Variants in C12orf42 observed in about 807,000 individuals in gnomAD.
C12orf42 encodes uncharacterized protein C12orf42.
In C12orf42, 25 loss-of-function variants were observed where a neutral mutation model predicts 21.6. The observed-to-expected ratio is 1.16, with a 90% confidence interval of 0.84 to 1.62. The LOEUF is 1.62. Among genes scored for constraint, C12orf42 ranks in the 40% most tolerant of loss-of-function variants. The probability of loss-of-function intolerance (pLI) is 0.00; values close to 1 mark genes in which losing one functional copy is unlikely to be tolerated. For synonymous variants in C12orf42, 174 were observed against 175.0 expected (o/e 0.99, Z 0.05); for missense variants, 483 against 459.3 (o/e 1.05, Z -0.47).
At chr12:103,355,649 G>A (rs78001234) in intron 4 of C12orf42, among the ~76,000 whole-genome samples, 1 of 152,128 alleles carries the variant, frequency 6.6e-6, no homozygotes, top group East Asian at 1.9e-4. Context: ...GCCAGTGGTT[G>A]AGCTAGGCCT....
chr12:103,165,473 T>C, the C12orf42 span, among the ~76,000 whole-genome samples: 2 of 152,150 alleles, frequency 1.3e-5, no homozygotes, highest in African/African-American at 4.8e-5. Context: ...AGGGAGAGGA[T>C]TGCAAATATA....
chr12:103,552,928 T>TA, the C12orf42 span, among the ~76,000 whole-genome samples: 3,014 of 152,174 alleles, frequency 0.02, 112 homozygotes, highest in African/African-American at 0.068. Flanking sequence ...AACTGCCTTA[T>TA]AAAACCATCA....
chr12:103,112,217 T>C, the C12orf42 span, among the ~76,000 whole-genome samples: 1 of 152,130 alleles, frequency 6.6e-6, no homozygotes, highest in East Asian at 1.9e-4. Flanking sequence ...AAAGATGCAA[T>C]CTTGGGACTT....
At chr12:103,294,567 G>GA (rs1396924628) in intron 4 of C12orf42, among the ~76,000 whole-genome samples, 1 of 92,688 alleles carries the variant, frequency 1.1e-5, no homozygotes, top group Admixed American at 1.3e-4. Flanking sequence ...GAAAGAAAAA[G>GA]AAAGGAAGGA....
the C12orf42 span, among the ~76,000 whole-genome samples, chr12:103,103,833 G>T: frequency 1.3e-4 from 19 of 144,636 alleles, no homozygotes; most frequent in South Asian, 3.0e-3. Context: ...ACGGAGTCTC[G>T]CTCTGTCGCC....
chr12:103,208,933 T>C, the C12orf42 span, among the ~76,000 whole-genome samples: 1 of 152,324 alleles, frequency 6.6e-6, no homozygotes, highest in African/African-American at 2.4e-5. Flanking sequence ...TCTAATCTCC[T>C]CATTTTCACA....
intron 4 of C12orf42, among the ~76,000 whole-genome samples, chr12:103,332,079 G>A (rs1489850237): frequency 1.3e-5 from 2 of 152,098 alleles, no homozygotes; most frequent in East Asian, 3.9e-4. Flanking sequence ...TTGAGCAAAG[G>A]GAAGTATAAA....
intron 2 of C12orf42, among the ~76,000 whole-genome samples, chr12:103,431,033 A>G (rs185973894): frequency 2.6e-5 from 4 of 152,284 alleles, no homozygotes; most frequent in Admixed American, 2.0e-4. Flanking sequence ...TGATGGGTGC[A>G]GCAAACCACC....
chr12:103,134,519 A>G, the C12orf42 span, among the ~76,000 whole-genome samples: 20 of 124,778 alleles, frequency 1.6e-4, no homozygotes, highest in Non-Finnish European at 3.1e-4. Context: ...CAGAAGAAAG[A>G]ATTTCAGAAC....
chr12:103,214,589 A>T, the C12orf42 span, among the ~76,000 whole-genome samples: 1 of 152,144 alleles, frequency 6.6e-6, no homozygotes, highest in South Asian at 2.1e-4. Context: ...GAGTAATAAG[A>T]TTGCTGATGT....
intron 10 of C12orf42, among the ~76,000 whole-genome samples, chr12:103,249,860 C>T (rs942160665): frequency 6.6e-6 from 1 of 152,048 alleles, no homozygotes; most frequent in Non-Finnish European, 1.5e-5. Flanking sequence ...GATTTTCTAA[C>T]CTTCCAGGAA....
At chr12:103,505,642 T>A in the C12orf42 span, 3 of 250,396 alleles carry the variant, frequency 1.2e-5, no homozygotes, top group South Asian at 4.1e-5. Flanking sequence ...AAGTTAGCAC[T>A]GCCCAGGCCC....
the C12orf42 span, among the ~76,000 whole-genome samples, chr12:103,071,423 T>A: frequency 6.6e-6 from 1 of 152,172 alleles, no homozygotes; most frequent in Non-Finnish European, 1.5e-5. Flanking sequence ...CTGCTACTTC[T>A]GATTTAGGGG....
intron 4 of C12orf42, among the ~76,000 whole-genome samples, chr12:103,322,362 T>C (rs1048040373): frequency 5.3e-5 from 8 of 152,192 alleles, no homozygotes; most frequent in African/African-American, 1.4e-4. Flanking sequence ...ATTTTTTTTT[T>C]CTTAGGACTT....
At chr12:103,488,430 TG>T (rs1447791724) in intron 1 of C12orf42, among the ~76,000 whole-genome samples, 2 of 152,214 alleles carry the variant, frequency 1.3e-5, no homozygotes, top group Non-Finnish European at 2.9e-5. Flanking sequence ...TTGTGTGTCT[TG>T]GGGTTGCTCT....
chr12:103,140,120 G>T, the C12orf42 span, among the ~76,000 whole-genome samples: 1 of 152,194 alleles, frequency 6.6e-6, no homozygotes, highest in Non-Finnish European at 1.5e-5. Context: ...CTTCCTGGTT[G>T]TCACTGGAAT....
the C12orf42 span, among the ~76,000 whole-genome samples, chr12:103,135,755 A>G: frequency 4.6e-5 from 7 of 152,350 alleles, no homozygotes; most frequent in African/African-American, 1.7e-4. Context: ...GGTTCAACAT[A>G]TGCAAATAAA....
At chr12:103,222,831 A>C in the C12orf42 span, among the ~76,000 whole-genome samples, 1 of 151,680 alleles carries the variant, frequency 6.6e-6, no homozygotes, top group African/African-American at 2.4e-5. Context: ...CACTAATACA[A>C]TAATGATCTC....
At chr12:103,065,028 G>A in the C12orf42 span, among the ~76,000 whole-genome samples, 1 of 152,150 alleles carries the variant, frequency 6.6e-6, no homozygotes, top group African/African-American at 2.4e-5. Context: ...GGTAGGGTGA[G>A]GATTATTATG....
Sources: allele counts gnomAD v4.1 joint callset (sites outside exome capture counted in the v4.1 genomes callset), GRCh38; gene constraint gnomAD v4.1.1; transcripts MANE v1.5; gene names NCBI Gene and HGNC (gene_info 2026-07-23, HGNC 2026-07-21).